Variants in SUGCT observed in about 807,000 individuals in gnomAD.
The protein encoded by SUGCT is succinyl-CoA:glutarate CoA-transferase.
In SUGCT, 41 loss-of-function variants were observed where a neutral mutation model predicts 55.0. The ratio of observed to expected loss-of-function variants is 0.74; its 90% CI spans 0.58 to 0.97. The LOEUF (loss-of-function observed/expected upper bound fraction) is 0.97, where lower values mean the gene tolerates loss of function less well. Among genes scored for constraint, SUGCT ranks in the 50% least tolerant of loss-of-function variants. The probability of loss-of-function intolerance (pLI) is 0.00; values close to 1 mark genes in which losing one functional copy is unlikely to be tolerated. For synonymous variants in SUGCT, 187 were observed against 200.4 expected, an observed-to-expected ratio of 0.93 and a Z score of 0.56; for missense variants, 568 against 547.8, an observed-to-expected ratio of 1.04 and a Z score of -0.37.
At chr7:40,547,655 A>C (rs1004826196) in intron 12 of SUGCT, among the ~76,000 whole-genome samples, 4 of 151,684 alleles carry the variant, frequency 2.6e-5, no homozygotes, top group Admixed American at 2.0e-4. Context: ...AGAGATAAAC[A>C]AAAGAAGGAA....
the SUGCT span, among the ~76,000 whole-genome samples, chr7:40,962,140 G>A: frequency 6.6e-6 from 1 of 152,092 alleles, no homozygotes; most frequent in South Asian, 2.1e-4. Context: ...TTTTTACAGA[G>A]TGCTGATTGG....
chr7:40,382,232 A>T lies in SUGCT; in HGVS notation c.816+65377A>T, dbSNP rs183413285. On this transcript the variant is annotated intron_variant, in intron 9 of 13. Transcript: ENST00000335693. ...CTGATAGACTGAATAGGTTTTTCAA[A>T]ATCTTGCATAATCTAGTGACTGTGA... Among the ~76,000 whole-genome samples the T allele has an allele frequency of 2.6e-5, 4 of 152,274 alleles. No individual in the cohort carries two copies. In the East Asian group the frequency reaches 7.7e-4, roughly 29 times the overall value.
chr7:40,328,496 C>A (rs1796125097), intron 9 of SUGCT, among the ~76,000 whole-genome samples: 1 of 152,026 alleles, frequency 6.6e-6, no homozygotes, highest in African/African-American at 2.4e-5. Context: ...ATATTTGGGA[C>A]ATGAGGAGGA....
intron 13 of SUGCT, among the ~76,000 whole-genome samples, chr7:40,773,761 A>G (rs1192065272): frequency 1.3e-5 from 2 of 152,200 alleles, no homozygotes; most frequent in African/African-American, 4.8e-5. Context: ...GTGGAAAATT[A>G]AGGTGTGCAC....
chr7:40,377,182 C>T (rs1208236020), intron 9 of SUGCT, among the ~76,000 whole-genome samples: 1 of 15,688 alleles, frequency 6.4e-5, no homozygotes. Context: ...TTCTTTCTTT[C>T]TTTCTTTCTT....
chr7:40,969,292 A>C, the SUGCT span, among the ~76,000 whole-genome samples: 1 of 152,332 alleles, frequency 6.6e-6, no homozygotes, highest in African/African-American at 2.4e-5. Context: ...TGATGAAATA[A>C]AGATTATTTC....
At chr7:40,203,963 A>G (rs367575968) in intron 6 of SUGCT, among the ~76,000 whole-genome samples, 1 of 152,254 alleles carries the variant, frequency 6.6e-6, no homozygotes, top group South Asian at 2.1e-4. Context: ...GTTACTGGGT[A>G]TAAGAAACAT....
At chr7:40,675,184 C>A (rs993337994) in intron 12 of SUGCT, among the ~76,000 whole-genome samples, 2 of 151,896 alleles carry the variant, frequency 1.3e-5, no homozygotes, top group Non-Finnish European at 2.9e-5. Context: ...CCTCAGCTCC[C>A]CAAGTAGCTG....
Position 40,811,633 on chromosome 7 carries a change from T to C in SUGCT, c.1154-48683T>C, listed in dbSNP as rs989553177. On this transcript the variant is annotated intron_variant, in intron 13 of 13. Transcript: ENST00000335693. ...ACATGGATTTTGTGTCCTGAAACTT[T>C]AGTGAACTTGTTTATCAGTTTCAGG... 2.6e-5 allele frequency among the ~76,000 whole-genome samples: 4 copies of C among 152,334 alleles called. No individual in the cohort carries two copies. The East Asian group carries it at 5.8e-4, about 22-fold the overall frequency.
At chr7:40,751,608 G>C (rs1193412339) in intron 13 of SUGCT, among the ~76,000 whole-genome samples, 1 of 152,202 alleles carries the variant, frequency 6.6e-6, no homozygotes, top group African/African-American at 2.4e-5. Context: ...AGCAGAGTTA[G>C]GCTGATTGAT....
At chr7:40,424,051 C>T (rs1257242715) in intron 9 of SUGCT, among the ~76,000 whole-genome samples, 4 of 152,070 alleles carry the variant, frequency 2.6e-5, no homozygotes, top group Admixed American at 2.0e-4. Flanking sequence ...GTCAATCTAT[C>T]ATACTTTCCC....
At chr7:40,519,900 C>G (rs1793436171) in intron 12 of SUGCT, among the ~76,000 whole-genome samples, 1 of 152,048 alleles carries the variant, frequency 6.6e-6, no homozygotes, top group African/African-American at 2.4e-5. Flanking sequence ...GTCCAACAGA[C>G]TCAAATTTGT....
Position 40,288,872 on chromosome 7 carries a change from C to G in SUGCT, c.720+14216C>G, listed in dbSNP as rs540602910. Among the ~76,000 whole-genome samples, 524 of 152,194 alleles carry G rather than the reference C, an allele frequency of 3.4e-3. 3 individuals carry two copies. The highest frequency in any genetic ancestry group is 5.6e-3 in the Non-Finnish European group (379 of 68,008). On this transcript the variant is annotated intron_variant, in intron 8 of 13. Coordinates refer to ENST00000335693, the MANE Select transcript of SUGCT (RefSeq NM_001193313.2). ...ACATCTTAATTTGGAATATTGCCAT[C>G]AAAGTCTCAATAGCCACATGTGGGC... is the stretch of plus-strand genomic sequence containing the variant.
At chr7:40,925,298 T>C in the SUGCT span, among the ~76,000 whole-genome samples, 2 of 152,338 alleles carry the variant, frequency 1.3e-5, no homozygotes, top group South Asian at 2.1e-4. Flanking sequence ...CCACATGATA[T>C]TCCCCCATGT....
chr7:40,464,366 G>A (rs1789984708), intron 11 of SUGCT, among the ~76,000 whole-genome samples: 2 of 152,138 alleles, frequency 1.3e-5, no homozygotes, highest in South Asian at 4.1e-4. Flanking sequence ...GTGGATTGGG[G>A]AGCCCAGAGA....
At chr7:40,765,558 C>T (rs922158433) in intron 13 of SUGCT, among the ~76,000 whole-genome samples, 6 of 151,516 alleles carry the variant, frequency 4.0e-5, no homozygotes, top group African/African-American at 1.2e-4. Flanking sequence ...TCTACTTTAA[C>T]GATTTGGGTA....
rs889341868 is a variant in SUGCT at position 40,362,894 on chromosome 7, A to G, written c.816+46039A>G. 3.3e-5 allele frequency among the ~76,000 whole-genome samples: 5 copies of G among 152,316 alleles called. No homozygotes were observed. In the South Asian group the frequency reaches 6.2e-4, roughly 19 times the overall value. On this transcript the variant is annotated intron_variant, in intron 9 of 13. Transcript: ENST00000335693. ...CTAAAGTGCAATTTTGTCTTATAGT[A>G]TATGAAATAGATCTAATTTTAAAAA...
chr7:40,195,058 C>T lies in SUGCT; in HGVS notation c.482C>T (p.Thr161Ile). 1 of 1,612,120 alleles carries T rather than the reference C, an allele frequency of 6.2e-7. No individual in the cohort carries two copies. Among genetic ancestry groups the T allele is most frequent in the South Asian group, 1.1e-5 (1 of 90,804 alleles). ...CCTCACATCATCTATTGTTCCATCACAGGTATTTCAACCCCACACCCTTGT... is the reference window on the plus strand; with the variant it reads ...CCTCACATCATCTATTGTTCCATCATAGGTATTTCAACCCCACACCCTTGT... ...IAPHIIYCSI[T>I]GYGQTGPISQ... is the part of the protein sequence containing the mutation. The change falls in exon 6 of 14, where the codon ACA (threonine) becomes ATA (isoleucine). Residue 161 changes from threonine to isoleucine, a missense_variant and splice_region_variant. By Grantham distance (89) the Thr-to-Ile change is moderately conservative. Transcript: ENST00000335693.
chr7:40,150,423 C>G (rs898337561), intron 1 of SUGCT, among the ~76,000 whole-genome samples: 5 of 152,168 alleles, frequency 3.3e-5, no homozygotes, highest in African/African-American at 1.2e-4. Flanking sequence ...AATCCCAGCA[C>G]TTTGGGAGGC....
Sources: gnomAD v4.1 joint callset for allele counts (sites outside exome capture counted in the v4.1 genomes callset) on GRCh38, gnomAD v4.1.1 for gene constraint, MANE v1.5 for transcripts, NCBI Gene and HGNC (gene_info 2026-07-23, HGNC 2026-07-21) for gene names.